Variants in MTHFD1 observed in about 807,000 individuals in gnomAD.
The protein encoded by MTHFD1 is C-1-tetrahydrofolate synthase, cytoplasmic.
In MTHFD1, 44 loss-of-function variants were observed where a neutral mutation model predicts 110.3. The observed-to-expected ratio is 0.40, with a 90% CI of 0.31 to 0.51. MTHFD1 has a LOEUF of 0.51. Ranked by LOEUF, MTHFD1 falls within the 20% of genes least tolerant of loss-of-function variation. The pLI is 0.60. For missense variants in MTHFD1, 909 were observed against 1,173.1 expected (o/e 0.77, Z 3.29); for synonymous variants, 402 against 428.8 (o/e 0.94, Z 0.77).
rs1270793502 is a variant in MTHFD1, at chr14:64,411,169, G to A, written c.186+20G>A. ...GAAGAGGTAACGCCAGAAGAGCTGT[G>A]CCATCACCCTCCCCAACCTCCACCT... On this transcript the variant is annotated intron_variant, in intron 3 of 27. Coordinates refer to ENST00000652337, the MANE Select transcript of MTHFD1 (RefSeq NM_005956.4). 12 of 1,602,892 alleles carry A rather than the reference G, an allele frequency of 7.5e-6. No individual in the cohort carries two copies. Among genetic ancestry groups the A allele is most frequent in the Non-Finnish European group, 9.4e-6 (11 of 1,171,688 alleles).
At chr14:64,424,986 C>T in intron 9 of MTHFD1, 55 bp downstream of exon 9, 2 of 1,607,188 alleles carry the variant, frequency 1.2e-6, no homozygotes, top group African/African-American at 1.3e-5. Flanking sequence ...CGAGTTTTGG[C>T]TGCTTTTCTC....
intron 21 of MTHFD1, among the ~76,000 whole-genome samples, chr14:64,443,822 C>T (rs545875001): frequency 3.5e-4 from 54 of 152,296 alleles, no homozygotes; most frequent in Non-Finnish European, 5.3e-4. Flanking sequence ...TCCCATAATG[C>T]TGTGCATGGA....
At chr14:64,419,707 A>T (rs1363524769) in intron 7 of MTHFD1, 107 bp from the exon 8 acceptor site, 1 of 783,890 alleles carries the variant, frequency 1.3e-6, no homozygotes. Context: ...AGCTTATGAC[A>T]CTTAAGAATT....
intron 19 of MTHFD1, 140 bp downstream of exon 19, chr14:64,441,593 T>G (rs1248922540): frequency 2.4e-5 from 17 of 722,918 alleles, no homozygotes; most frequent in Non-Finnish European, 2.9e-5. Flanking sequence ...GATCACAAGG[T>G]CAGGAGATCG....
intron 4 of MTHFD1, among the ~76,000 whole-genome samples, chr14:64,414,633 G>A (rs983561441): frequency 1.3e-4 from 20 of 150,502 alleles, no homozygotes; most frequent in African/African-American, 4.2e-4. Flanking sequence ...GATGACAGGT[G>A]TGAGCCACCA....
chr14:64,438,658 G>A (rs564442201), intron 16 of MTHFD1, among the ~76,000 whole-genome samples: 1 of 152,168 alleles, frequency 6.6e-6, no homozygotes, highest in East Asian at 1.9e-4. Flanking sequence ...GGCACCCAGC[G>A]TGTTTCAAAA....
At chr14:64,411,004 C>A (rs1251701789) in intron 2 of MTHFD1, 86 bp from the exon 3 acceptor site, 5 of 971,252 alleles carry the variant, frequency 5.1e-6, no homozygotes, top group East Asian at 2.4e-5. Flanking sequence ...TTAAACATTT[C>A]TTTTATTAAA....
chr14:64,427,493 A>G lies in MTHFD1; in HGVS notation c.1264+20A>G. ...TAAAAGGTACTAGTGAGACTGGACC[A>G]TGGGTGGTGACAGGGGACCTGCTTC... On this transcript the variant is annotated intron_variant, in intron 12 of 27. Coordinates refer to ENST00000652337, the MANE Select transcript of MTHFD1 (RefSeq NM_005956.4). 6.2e-7 allele frequency: 1 copy of G among 1,613,758 alleles called. No homozygotes were observed. Among genetic ancestry groups the G allele is most frequent in the Non-Finnish European group, 8.5e-7 (1 of 1,179,876 alleles).
At chr14:64,420,208 C>T (rs540359414) in intron 8 of MTHFD1, among the ~76,000 whole-genome samples, 2 of 152,204 alleles carry the variant, frequency 1.3e-5, no homozygotes, top group East Asian at 3.9e-4. Flanking sequence ...GGATATATCA[C>T]TTTATCTTCA....
chr14:64,435,503 T>A (rs2078199324), intron 15 of MTHFD1, 66 bp from the exon 16 acceptor site: 1 of 1,087,050 alleles, frequency 9.2e-7, no homozygotes, highest in South Asian at 1.2e-5. Flanking sequence ...GGGTCAAAAT[T>A]TTTGTCTTAC....
rs769472633 is a variant in MTHFD1 at position 64,400,809 on chromosome 14, C to G, written c.58C>G (p.Leu20Val). The change falls in exon 2 of 28, where the codon CTG becomes GTG. Residue 20 changes from leucine (L) to valine (V), a missense_variant. This residue lies in a region of MTHFD1 where 424 missense variants were observed against 510.4 expected (regional missense o/e 0.83). Transcript: ENST00000652337. Reference protein sequence around the residue: ...KEISAQIRARLKNQVTQLKEQ... With the variant: ...KEISAQIRARVKNQVTQLKEQ... The stretch of plus-strand genomic sequence containing the variant: ...TTTCTCTAGGCAAATAAGGGCGAGA[C>G]TGAAAAATCAAGTCACTCAGTTGAA... 1.2e-6 allele frequency: 2 copies of G among 1,613,604 alleles called. No individual in the cohort carries two copies. The highest frequency in any genetic ancestry group is 1.7e-6 in the Non-Finnish European group (2 of 1,179,710).
chr14:64,405,841 G>C (rs1408388863), intron 2 of MTHFD1, among the ~76,000 whole-genome samples: 3 of 152,080 alleles, frequency 2.0e-5, no homozygotes, highest in Non-Finnish European at 2.9e-5. Flanking sequence ...CAGAATGATA[G>C]TACAAGTTGA....
At chr14:64,431,903 C>T in intron 15 of MTHFD1, 42 bp downstream of exon 15, 3 of 1,539,838 alleles carry the variant, frequency 1.9e-6, no homozygotes, top group Non-Finnish European at 2.7e-6. Flanking sequence ...TGTATGGAAT[C>T]TGGAATCTGA....
intron 1 of MTHFD1, among the ~76,000 whole-genome samples, chr14:64,398,216 G>A (rs1413105445): frequency 6.6e-6 from 1 of 152,090 alleles, no homozygotes; most frequent in Non-Finnish European, 1.5e-5. Context: ...TTATTGTAGA[G>A]AATACTGACT....
At chr14:64,401,570 G>T (rs2077897136) in intron 2 of MTHFD1, among the ~76,000 whole-genome samples, 1 of 151,962 alleles carries the variant, frequency 6.6e-6, no homozygotes, top group Non-Finnish European at 1.5e-5. Context: ...GGGCGTGGTG[G>T]TGGGCGCCTG....
At position 64,439,139 on chromosome 14, in the gene MTHFD1, A is replaced by G; in HGVS notation, c.1641A>G (p.Gly547=). Residue 547 remains glycine (G), a synonymous_variant, in exon 17 of 28, where the codon GGA becomes GGG. Coordinates refer to ENST00000652337, the MANE Select transcript of MTHFD1 (RefSeq NM_005956.4). The part of the protein sequence containing the change: ...NDRFLRKITI[G]QAPTEKGHTR... ...GATTCCTGAGGAAGATCACGATTGG[A>G]CAGGCTCCAACGGAGAAGGGTCACA... 1 of 1,614,090 alleles carries G rather than the reference A, an allele frequency of 6.2e-7. No individual in the cohort carries two copies. Among genetic ancestry groups the G allele is most frequent in the African/African-American group, 1.3e-5 (1 of 75,052 alleles).
At chr14:64,388,641 C>A (rs2077782261) in intron 1 of MTHFD1, 173 bp downstream of exon 1, 2 of 705,690 alleles carry the variant, frequency 2.8e-6, no homozygotes, top group South Asian at 3.1e-5. Flanking sequence ...CCTGCGTTTG[C>A]AAGTGGACTG....
chr14:64,455,365 T>C (rs971014167), intron 26 of MTHFD1, among the ~76,000 whole-genome samples: 1 of 152,212 alleles, frequency 6.6e-6, no homozygotes, highest in Non-Finnish European at 1.5e-5. Context: ...AAATGGACCC[T>C]TGAGATATGA....
chr14:64,418,901 C>G (rs1165630149), intron 7 of MTHFD1, among the ~76,000 whole-genome samples: 1 of 151,884 alleles, frequency 6.6e-6, no homozygotes, highest in Non-Finnish European at 1.5e-5. Flanking sequence ...GTTATTTAGG[C>G]TAGAGTGCAG....
Sources: gnomAD v4.1 joint callset for allele counts (sites outside exome capture counted in the v4.1 genomes callset) on GRCh38, gnomAD v4.1.1 for gene constraint, gnomAD v4.1.1 regional missense constraint, MANE v1.5 for transcripts, NCBI Gene and HGNC (gene_info 2026-07-23, HGNC 2026-07-21) for gene names.